Variants in DCBLD2 observed in about 807,000 individuals in gnomAD.
DCBLD2 encodes the protein discoidin, CUB and LCCL domain-containing protein 2.
Under a neutral mutation model 86.8 loss-of-function variants are expected in DCBLD2, and 54 were observed. The observed-to-expected ratio is 0.62, with a 90% confidence interval of 0.50 to 0.78. The LOEUF (loss-of-function observed/expected upper bound fraction) is 0.78. Among genes scored for constraint, DCBLD2 ranks in the 30% least tolerant of loss-of-function variants. DCBLD2 has a pLI of 0.00. For synonymous variants in DCBLD2, 354 were observed against 341.3 expected, an observed-to-expected ratio of 1.04 and a Z score of -0.41; for missense variants, 908 against 954.2, an observed-to-expected ratio of 0.95 and a Z score of 0.64.
intron 12 of DCBLD2, among the ~76,000 whole-genome samples, chr3:98,810,412 CA>C (rs146841462): frequency 6.6e-6 from 1 of 152,110 alleles, no homozygotes; most frequent in Admixed American, 6.6e-5. Flanking sequence ...GGCAAACTTT[CA>C]AAAAATGAGA....
intron 1 of DCBLD2, among the ~76,000 whole-genome samples, chr3:98,882,105 T>C (rs1188424282): frequency 6.6e-6 from 1 of 152,216 alleles, no homozygotes; most frequent in Non-Finnish European, 1.5e-5. Flanking sequence ...CTTTGTATCC[T>C]TTAACAAATC....
chr3:98,830,447 C>T (rs1288549138), intron 3 of DCBLD2, among the ~76,000 whole-genome samples: 2 of 152,214 alleles, frequency 1.3e-5, no homozygotes, highest in Non-Finnish European at 2.9e-5. Context: ...CTTCAATCTT[C>T]TGCATATGGC....
At chr3:98,884,577 A>G (rs1943527273) in intron 1 of DCBLD2, among the ~76,000 whole-genome samples, 2 of 152,106 alleles carry the variant, frequency 1.3e-5, no homozygotes, top group African/African-American at 4.8e-5. Flanking sequence ...CCTCAGAGGA[A>G]AAAACTACCA....
At chr3:98,836,828 C>A (rs1351676390) in intron 3 of DCBLD2, among the ~76,000 whole-genome samples, 3 of 60,044 alleles carry the variant, frequency 5.0e-5, no homozygotes, top group African/African-American at 6.0e-5. Context: ...GGGGGCCGAC[C>A]CCCCCACCTC....
rs115197901 is a variant in DCBLD2 at position 98,805,251 on chromosome 3, G to T, written c.1670+2830C>A. Among the ~76,000 whole-genome samples the T allele has an allele frequency of 6.7e-3, 1,013 of 152,066 alleles. 14 individuals are homozygous for T. The highest frequency in any genetic ancestry group is 0.023 in the African/African-American group (974 of 41,464). The stretch of plus-strand genomic sequence containing the variant: ...AGCATAATAAAAAATTTGTGGAAAA[G>T]ATAATGAGTGTTGAAGATGTTAATG... On this transcript the variant is annotated intron_variant, in intron 13 of 15. Transcript: ENST00000326840.
chr3:98,889,400 A>G (rs1251361380), intron 1 of DCBLD2, among the ~76,000 whole-genome samples: 2 of 152,036 alleles, frequency 1.3e-5, no homozygotes, highest in African/African-American at 4.8e-5. Context: ...GATTCTAACA[A>G]GTATGTCAGA....
At chr3:98,863,235 C>A (rs934981489) in intron 2 of DCBLD2, among the ~76,000 whole-genome samples, 2 of 152,202 alleles carry the variant, frequency 1.3e-5, no homozygotes, top group African/African-American at 4.8e-5. Context: ...ATTGGAAGAA[C>A]ATTCCAGGCT....
chr3:98,816,805 A>G (rs550626061), intron 9 of DCBLD2, among the ~76,000 whole-genome samples: 1 of 152,296 alleles, frequency 6.6e-6, no homozygotes, highest in Admixed American at 6.5e-5. Flanking sequence ...ACTTTGAGAC[A>G]GAGTCTCCCT....
intron 3 of DCBLD2, among the ~76,000 whole-genome samples, chr3:98,845,313 G>A (rs1010896665): frequency 6.6e-6 from 1 of 152,004 alleles, no homozygotes; most frequent in Non-Finnish European, 1.5e-5. Context: ...TACAACCCGG[G>A]CATTACTGTA....
intron 3 of DCBLD2, among the ~76,000 whole-genome samples, chr3:98,846,195 A>C (rs1160618015): frequency 6.6e-6 from 1 of 152,218 alleles, no homozygotes; most frequent in South Asian, 2.1e-4. Context: ...TGATGACTCT[A>C]TCAACAACCC....
At chr3:98,874,172 T>A (rs1181827562) in intron 2 of DCBLD2, among the ~76,000 whole-genome samples, 1 of 152,218 alleles carries the variant, frequency 6.6e-6, no homozygotes, top group Non-Finnish European at 1.5e-5. Context: ...AACTAGATTG[T>A]TCAAATTCTC....
chr3:98,865,272 T>C (rs928179863), intron 2 of DCBLD2, among the ~76,000 whole-genome samples: 2 of 151,924 alleles, frequency 1.3e-5, no homozygotes, highest in Non-Finnish European at 2.9e-5. Flanking sequence ...AACAGAGTAC[T>C]ATTCAGCCTG....
intron 13 of DCBLD2, among the ~76,000 whole-genome samples, chr3:98,807,325 G>A (rs947664310): frequency 6.6e-6 from 1 of 152,172 alleles, no homozygotes. Context: ...CCTAACCCCC[G>A]TTAGAAAGTG....
chr3:98,850,883 C>A (rs1384409696), intron 2 of DCBLD2, among the ~76,000 whole-genome samples: 1 of 152,118 alleles, frequency 6.6e-6, no homozygotes, highest in African/African-American at 2.4e-5. Flanking sequence ...TCCATAATAG[C>A]ATCAAAAAAG....
chr3:98,809,418 T>C (rs278381), intron 12 of DCBLD2, among the ~76,000 whole-genome samples: 47,073 of 151,830 alleles, frequency 0.31, 8,697 homozygotes, highest in East Asian at 0.69. Flanking sequence ...ATCAGTAAGA[T>C]TGGGTCCCTG....
intron 2 of DCBLD2, among the ~76,000 whole-genome samples, chr3:98,857,450 A>G (rs561006481): frequency 7.3e-5 from 10 of 136,882 alleles, no homozygotes; most frequent in African/African-American, 2.8e-4. Flanking sequence ...TGATTAGTCC[A>G]TTTTACAGAG....
At chr3:98,835,938 C>CTTTCTTTTTTTTT (rs56279917) in intron 3 of DCBLD2, among the ~76,000 whole-genome samples, 7 of 115,048 alleles carry the variant, frequency 6.1e-5, no homozygotes, top group Non-Finnish European at 1.1e-4. Flanking sequence ...TCCTTTCTTT[C>CTTTCTTTTTTTTT]TTTTTTTTTT....
intron 2 of DCBLD2, among the ~76,000 whole-genome samples, chr3:98,852,030 T>C (rs1244262843): frequency 2.6e-5 from 4 of 152,204 alleles, no homozygotes; most frequent in Non-Finnish European, 4.4e-5. Flanking sequence ...GGGCCAAGAC[T>C]GCATGACTAA....
intron 1 of DCBLD2, among the ~76,000 whole-genome samples, chr3:98,892,664 C>T (rs184942561): frequency 6.6e-6 from 1 of 152,268 alleles, no homozygotes; most frequent in East Asian, 1.9e-4. Context: ...TAGCTGCATT[C>T]CTGCCTTCCC....
Sources: gnomAD v4.1 joint callset for allele counts (sites outside exome capture counted in the v4.1 genomes callset) on GRCh38, gnomAD v4.1.1 for gene constraint, MANE v1.5 for transcripts, NCBI Gene and HGNC (gene_info 2026-07-23, HGNC 2026-07-21) for gene names.